CYB561: variants seen among roughly 807,000 people sequenced by gnomAD.
The protein encoded by CYB561 is transmembrane ascorbate-dependent reductase CYB561.
In CYB561, 11 loss-of-function variants were observed where a neutral mutation model predicts 25.3. That is an observed-to-expected ratio of 0.44 (90% CI 0.27 to 0.72). The LOEUF (loss-of-function observed/expected upper bound fraction) is 0.72, where lower values mean the gene tolerates loss of function less well. CYB561 is among the 30% of genes least tolerant of loss of function. The probability of loss-of-function intolerance (pLI) is 0.18; values close to 1 mark genes in which losing one functional copy is unlikely to be tolerated. For synonymous variants in CYB561, 165 were observed against 158.8 expected (o/e 1.04, Z -0.29); for missense variants, 295 against 334.9 (o/e 0.88, Z 0.93).
Position 63,436,195 on chromosome 17 carries a change from C to T in CYB561, c.203-43G>A, listed in dbSNP as rs2049298747. ...GGGAACGTGAGTGCATCCGCCTGTG[C>T]GTGAGGCCTCCTGCCCCAGCAGCAA... is the stretch of plus-strand genomic sequence containing the variant. On this transcript the variant is annotated intron_variant, in intron 2 of 5. Transcript: ENST00000360793. The surrounding 1 kb of genome is among the most constrained non-coding windows in gnomAD (Gnocchi z 4.8). The T allele has an allele frequency of 1.3e-6, 2 of 1,598,414 alleles. No individual in the cohort carries two copies. The highest frequency in any genetic ancestry group is 2.3e-5 in the East Asian group (1 of 44,426).
At position 63,435,667 on chromosome 17, in the gene CYB561, CG is replaced by C; in HGVS notation, c.405+20del. 6.2e-7 allele frequency: 1 copy of C among 1,604,162 alleles called. No individual in the cohort carries two copies. Among genetic ancestry groups the C allele is most frequent in the Admixed American group, 1.7e-5 (1 of 60,014 alleles). Reference sequence around the variant, plus strand: ...CCTCCCTGGTAGGTGGCCCCAGGCCCGGGGTGTTGGAAGGACTCACCTGCAC... The same window carrying C: ...CCTCCCTGGTAGGTGGCCCCAGGCCCGGGTGTTGGAAGGACTCACCTGCAC... On this transcript the variant is annotated intron_variant, in intron 4 of 5. Transcript: ENST00000360793.
chr17:63,434,143 T>A lies in CYB561; in HGVS notation c.*259A>T. ...TGCGACCAGGACCGAACACCCGAAGTCCTACCCAAAGCCTTCTGCACTGAA... is the reference window on the plus strand; with the variant it reads ...TGCGACCAGGACCGAACACCCGAAGACCTACCCAAAGCCTTCTGCACTGAA... On this transcript the variant is annotated 3_prime_UTR_variant, in exon 6 of 6. Coordinates refer to ENST00000360793, the MANE Select transcript of CYB561 (RefSeq NM_001915.4). 1 of 448,640 alleles carries A rather than the reference T, an allele frequency of 2.2e-6. No individual in the cohort carries two copies. Among genetic ancestry groups the A allele is most frequent in the East Asian group, 3.3e-5 (1 of 30,614 alleles). The allele number at this position is 448,640 out of a possible 1,614,324, so 27.8% of individuals were successfully genotyped here.
chr17:63,435,126 C>T lies in CYB561; in HGVS notation c.523G>A (p.Ala175Thr), dbSNP rs763576870. Residue 175 changes from alanine (A) to threonine (T), a missense_variant, in exon 5 of 6, where the codon GCC becomes ACC. By Grantham distance (58) the Ala-to-Thr change is moderately conservative. Coordinates refer to ENST00000360793, the MANE Select transcript of CYB561 (RefSeq NM_001915.4). ...ATIFLLSVGT[A>T]LLGLKEALLF... ...AGTGCCTCCTTCAGGCCCAGCAGGG[C>T]GGTGCCCACGGAAAGGAGGAAGATG... The T allele has an allele frequency of 1.1e-5, 17 of 1,614,014 alleles. No individual in the cohort carries two copies. Among genetic ancestry groups the T allele is most frequent in the Middle Eastern group, 1.6e-4 (1 of 6,084 alleles).
chr17:63,440,304 G>A (rs1047605662), intron 1 of CYB561: 11 of 398,550 alleles, frequency 2.8e-5, no homozygotes, highest in East Asian at 1.4e-4. Flanking sequence ...CCCTTCTTCC[G>A]GGCCCAGGTG....
Position 63,436,414 on chromosome 17 carries a change from G to A in CYB561, c.203-262C>T. 1 of 441,258 alleles carries A rather than the reference G, an allele frequency of 2.3e-6. No individual in the cohort carries two copies. The highest frequency in any genetic ancestry group is 4.3e-5 in the East Asian group (1 of 23,112). 27.3% of individuals were successfully genotyped at this position (441,258 alleles called of 1,614,324 possible). ...CCTCCCCCAGCTGTGCACAAAGAGG[G>A]CAGGGCCGGAGGCTGCACCACAGTC... is the stretch of plus-strand genomic sequence containing the variant. On this transcript the variant is annotated intron_variant, in intron 2 of 5. Coordinates refer to ENST00000360793, the MANE Select transcript of CYB561 (RefSeq NM_001915.4). The surrounding 1 kb of genome is among the most constrained non-coding windows in gnomAD (Gnocchi z 4.8).
Position 63,436,176 on chromosome 17 carries a change from G to GT in CYB561, c.203-25dup, listed in dbSNP as rs2049298366. 1 of 1,611,976 alleles carries GT rather than the reference G, an allele frequency of 6.2e-7. No individual in the cohort carries two copies. The highest frequency in any genetic ancestry group is 2.2e-5 in the East Asian group (1 of 44,796). On this transcript the variant is annotated intron_variant, in intron 2 of 5. Transcript: ENST00000360793. The surrounding 1 kb of genome is among the most constrained non-coding windows in gnomAD (Gnocchi z 4.8). Reference sequence around the variant, plus strand: ...GGCTGTGGGAGGTGAGAGAGGGAACGTGAGTGCATCCGCCTGTGCGTGAGG... The same window carrying GT: ...GGCTGTGGGAGGTGAGAGAGGGAACGTTGAGTGCATCCGCCTGTGCGTGAGG...
intron 3 of CYB561, 102 bp downstream of exon 3, chr17:63,435,952 G>A (rs948659960): frequency 4.4e-6 from 7 of 1,599,696 alleles, no homozygotes; most frequent in South Asian, 3.3e-5. Flanking sequence ...GTGGGGGCGG[G>A]CCCATCACAG....
At chr17:63,439,598 CAGT>C (rs1462165688) in intron 1 of CYB561, among the ~76,000 whole-genome samples, 1 of 151,906 alleles carries the variant, frequency 6.6e-6, no homozygotes, top group Non-Finnish European at 1.5e-5. Context: ...ACACGCACTG[CAGT>C]AGAATATGGA....
intron 1 of CYB561, among the ~76,000 whole-genome samples, chr17:63,441,142 G>A (rs1156807865): frequency 2.0e-5 from 3 of 152,234 alleles, no homozygotes; most frequent in Non-Finnish European, 2.9e-5. Context: ...GACTGCCTGC[G>A]GCTTCAACAT....
At chr17:63,439,595 C>T (rs564243827) in intron 1 of CYB561, among the ~76,000 whole-genome samples, 65 of 152,132 alleles carry the variant, frequency 4.3e-4, no homozygotes, top group African/African-American at 1.5e-3. Flanking sequence ...TCCACACGCA[C>T]TGCAGTAGAA....
rs2049299037 is a variant in CYB561, at chr17:63,436,224, G to A, written c.203-72C>T. 2 of 1,563,482 alleles carry A rather than the reference G, an allele frequency of 1.3e-6. No individual in the cohort carries two copies. The highest frequency in any genetic ancestry group is 1.7e-4 in the Middle Eastern group (1 of 5,898). ...AGGCCTCCTGCCCCAGCAGCAAGGA[G>A]GCACCTTGGTGGAGAGGTGATGTGA... On this transcript the variant is annotated intron_variant, in intron 2 of 5. Coordinates refer to ENST00000360793, the MANE Select transcript of CYB561 (RefSeq NM_001915.4). The surrounding 1 kb of genome is among the most constrained non-coding windows in gnomAD (Gnocchi z 4.8).
Position 63,441,331 on chromosome 17 carries a change from C to T in CYB561, c.-13-3771G>A, listed in dbSNP as rs926009569. On this transcript the variant is annotated intron_variant, in intron 1 of 5. Transcript: ENST00000360793. The stretch of plus-strand genomic sequence containing the variant: ...CATCTCTAATGTCACCCTTAAATGA[C>T]ACTGTGTGGATAACAGGAGCATTGC... 1.6e-4 allele frequency among the ~76,000 whole-genome samples: 25 copies of T among 152,242 alleles called. 1 individual carries two copies. The highest frequency in any genetic ancestry group is 6.5e-5 in the Admixed American group (1 of 15,286).
chr17:63,443,824 C>T (rs964250054), intron 1 of CYB561, among the ~76,000 whole-genome samples: 2 of 152,064 alleles, frequency 1.3e-5, no homozygotes, highest in Admixed American at 6.5e-5. Context: ...TAGGGTCTCA[C>T]TATGTTGTGC....
At position 63,434,247 on chromosome 17, in the gene CYB561, G is replaced by GA; in HGVS notation, c.*154dup. On this transcript the variant is annotated 3_prime_UTR_variant, in exon 6 of 6. Coordinates refer to ENST00000360793, the MANE Select transcript of CYB561 (RefSeq NM_001915.4). Reference sequence around the variant, plus strand: ...AGAAAGGAGAAGCAGAGGAGGCGGAGACCTGACCCCAGAAAGCAGCACTCA... The same window carrying GA: ...AGAAAGGAGAAGCAGAGGAGGCGGAGAACCTGACCCCAGAAAGCAGCACTCA... 1 of 639,650 alleles carries GA rather than the reference G, an allele frequency of 1.6e-6. No homozygotes were observed. The highest frequency in any genetic ancestry group is 2.7e-6 in the Non-Finnish European group (1 of 373,922). 39.6% of individuals were successfully genotyped at this position (639,650 alleles called of 1,614,324 possible). A position where few individuals can be genotyped will look rare whatever the true frequency, so the allele number is the denominator to read the frequency against.
chr17:63,443,713 G>C (rs1014223259), intron 1 of CYB561, among the ~76,000 whole-genome samples: 12 of 152,142 alleles, frequency 7.9e-5, no homozygotes, highest in African/African-American at 2.9e-4. Context: ...CAGCAGCCTC[G>C]AACTCCTGGG....
rs2049232687 is a variant in CYB561 at position 63,432,377 on chromosome 17, C to T, written c.*2025G>A. Reference sequence around the variant, plus strand: ...TATTTCACAGAAGATTGGCCACAGGCAAAATAAAATAACCCACCACAAATC... The same window carrying T: ...TATTTCACAGAAGATTGGCCACAGGTAAAATAAAATAACCCACCACAAATC... On this transcript the variant is annotated 3_prime_UTR_variant, in exon 6 of 6. Transcript: ENST00000360793. The T allele has an allele frequency of 1.3e-5, 2 of 152,162 alleles. No homozygotes were observed. The highest frequency in any genetic ancestry group is 2.9e-5 in the Non-Finnish European group (2 of 68,030). The allele number at this position is 152,162 out of a possible 1,614,324, so 9.4% of individuals were successfully genotyped here.
rs546616158 is a variant in CYB561, at chr17:63,436,331, C to G, written c.203-179G>C. On this transcript the variant is annotated intron_variant, in intron 2 of 5. Coordinates refer to ENST00000360793, the MANE Select transcript of CYB561 (RefSeq NM_001915.4). The surrounding 1 kb of genome is among the most constrained non-coding windows in gnomAD (Gnocchi z 4.8). ...CCTGGGGACCCTGGGCAGCTCCTGG[C>G]CTTCTCTGAGGGCACCTAGGGCTGT... is the stretch of plus-strand genomic sequence containing the variant. 2.9e-3 allele frequency among the ~76,000 whole-genome samples: 441 copies of G among 152,196 alleles called. 1 individual carries two copies. The highest frequency in any genetic ancestry group is 0.01 in the African/African-American group (426 of 41,484).
chr17:63,436,040 G>A lies in CYB561; in HGVS notation c.301+14C>T, dbSNP rs753695964. The A allele has an allele frequency of 3.1e-6, 5 of 1,613,866 alleles. No homozygotes were observed. The highest frequency in any genetic ancestry group is 2.2e-5 in the South Asian group (2 of 91,076). ...GCAGGCAGGTGGCGGGGAAGGCCGC[G>A]CCCGGGAACTCACCAACCAGGGCGA... On this transcript the variant is annotated intron_variant, in intron 3 of 5. Coordinates refer to ENST00000360793, the MANE Select transcript of CYB561 (RefSeq NM_001915.4). The surrounding 1 kb of genome is among the most constrained non-coding windows in gnomAD (Gnocchi z 4.8).
At chr17:63,438,303 G>A (rs1359437787) in intron 1 of CYB561, 2 of 1,202,056 alleles carry the variant, frequency 1.7e-6, no homozygotes, top group Non-Finnish European at 2.3e-6. Context: ...GGGAAGGAAG[G>A]GGCTGGTCAC....
Sources: gnomAD v4.1 joint callset for allele counts (sites outside exome capture counted in the v4.1 genomes callset) on GRCh38, gnomAD v4.1.1 for gene constraint, Gnocchi (gnomAD v3.1) non-coding constraint, MANE v1.5 for transcripts, NCBI Gene and HGNC (gene_info 2026-07-23, HGNC 2026-07-21) for gene names.